The following SLC19A1 variants were observed in gnomAD, a reference collection of about 807,000 sequenced individuals.
The protein encoded by SLC19A1 is solute carrier family 19 member 1, also known as reduced folate transporter.
Under a neutral mutation model 35.3 loss-of-function variants are expected in SLC19A1, and 37 were observed. That is an observed-to-expected ratio of 1.05 (90% CI 0.81 to 1.38). SLC19A1 has a LOEUF of 1.38. Ranked by LOEUF, SLC19A1 falls within the 40% of genes most tolerant of loss-of-function variation. The pLI is 0.00. For missense variants in SLC19A1, 831 were observed against 826.9 expected, an observed-to-expected ratio of 1.00 and a Z score of -0.06; for synonymous variants, 460 against 398.5, an observed-to-expected ratio of 1.15 and a Z score of -1.84.
At chr21:45,519,459 C>T (rs901047436) in intron 5 of SLC19A1, among the ~76,000 whole-genome samples, 1 of 150,200 alleles carries the variant, frequency 6.7e-6, no homozygotes, top group Non-Finnish European at 1.5e-5. Context: ...TTCAAATATA[C>T]CAAGATAGGA....
At chr21:45,546,598 A>C (rs1375348872), upstream of SLC19A1, among the ~76,000 whole-genome samples, 1 of 152,264 alleles carries the variant, frequency 6.6e-6, no homozygotes, top group Non-Finnish European at 1.5e-5. Flanking sequence ...GCCCATCTTT[A>C]CTAGGGAAAG....
At chr21:45,552,062 C>T (rs534367793) in intron 1 of SLC19A1, among the ~76,000 whole-genome samples, 1 of 152,296 alleles carries the variant, frequency 6.6e-6, no homozygotes, top group Non-Finnish European at 1.5e-5. Flanking sequence ...TGCTTTTCTA[C>T]AAAAGGTGTC....
intron 5 of SLC19A1, among the ~76,000 whole-genome samples, chr21:45,519,297 G>C (rs1479681759): frequency 6.6e-6 from 1 of 151,992 alleles, no homozygotes; most frequent in Non-Finnish European, 1.5e-5. Context: ...GAGAATAAAT[G>C]AAAAATTAAA....
At chr21:45,544,691 C>G (rs932193401), upstream of SLC19A1, among the ~76,000 whole-genome samples, 1 of 151,490 alleles carries the variant, frequency 6.6e-6, no homozygotes, top group Non-Finnish European at 1.5e-5. Context: ...GCCCTCCAGC[C>G]TGTAGGCTCC....
At position 45,530,356 on chromosome 21, in the gene SLC19A1, T is replaced by TC. The variant is rs2077827261; in HGVS notation, c.1151+413dup. 7.4e-6 allele frequency among the ~76,000 whole-genome samples: 1 copy of TC among 134,304 alleles called. No homozygotes were observed. The highest frequency in any genetic ancestry group is 1.6e-5 in the Non-Finnish European group (1 of 60,798). The allele number at this position is 134,304 out of a possible 152,430, so 88.1% of individuals were successfully genotyped here. On this transcript the variant is annotated intron_variant, in intron 4 of 5. Coordinates refer to ENST00000311124, the MANE Select transcript of SLC19A1 (RefSeq NM_194255.4). The surrounding 1 kb of genome is among the most constrained non-coding windows in gnomAD (Gnocchi z 5.3). ...GTCCATCTGTGCGCATGTGGTGTGT[T>TC]CATGAGTGTGTGTGTGTCCATGTGT...
intron 4 of SLC19A1, among the ~76,000 whole-genome samples, chr21:45,526,863 C>T (rs1297056725): frequency 6.6e-6 from 1 of 152,228 alleles, no homozygotes; most frequent in Non-Finnish European, 1.5e-5. Context: ...TGAGCCACTG[C>T]GCCCAGCTGA....
chr21:45,544,205 T>G (rs532146682), upstream of SLC19A1: 1 of 152,424 alleles, frequency 6.6e-6, no homozygotes, highest in South Asian at 2.1e-4. Flanking sequence ...CAAGCTGCCC[T>G]CGGGTCCCCC....
At chr21:45,542,830 G>A (rs935539837), upstream of SLC19A1, among the ~76,000 whole-genome samples, 21 of 148,638 alleles carry the variant, frequency 1.4e-4, no homozygotes, top group Non-Finnish European at 2.7e-4. Context: ...TCCTCGACGA[G>A]GCCTTGTGCG....
upstream of SLC19A1, among the ~76,000 whole-genome samples, chr21:45,542,705 C>T (rs1407876248): frequency 6.6e-6 from 1 of 150,928 alleles, no homozygotes; most frequent in Non-Finnish European, 1.5e-5. Flanking sequence ...CCCCCACCCC[C>T]GCCGGCGTCA....
intron 1 of SLC19A1, among the ~76,000 whole-genome samples, chr21:45,550,348 G>A (rs1285172886): frequency 6.6e-6 from 1 of 152,156 alleles, no homozygotes; most frequent in Non-Finnish European, 1.5e-5. Flanking sequence ...AGACACCTCA[G>A]GCCCTCGTAT....
chr21:45,530,111 CATCT>C lies in SLC19A1; in HGVS notation c.1151+655_1151+658del, dbSNP rs1479540785. ...GTGTGGTGTGTCTGTGTGGTGTATC[CATCT>C]GTGAGCGTGTGGTGTGTTCATGTGA... On this transcript the variant is annotated intron_variant, in intron 4 of 5. Transcript: ENST00000311124. This position sits in a 1 kb window ranked among gnomAD's most constrained non-coding sequence, Gnocchi z 5.3. Among the ~76,000 whole-genome samples the C allele has an allele frequency of 6.8e-6, 1 of 147,208 alleles. No individual in the cohort carries two copies. Among genetic ancestry groups the C allele is most frequent in the African/African-American group, 2.5e-5 (1 of 39,372 alleles).
chr21:45,523,933 T>A (rs1459164641), intron 5 of SLC19A1, among the ~76,000 whole-genome samples: 1 of 152,146 alleles, frequency 6.6e-6, no homozygotes, highest in African/African-American at 2.4e-5. Flanking sequence ...CCTGGGGCCA[T>A]GCATTCAACA....
intron 3 of SLC19A1, chr21:45,506,161 G>C: frequency 1.3e-6 from 1 of 766,604 alleles, no homozygotes; most frequent in Non-Finnish European, 2.1e-6. Context: ...AGAAAAGTGA[G>C]CTCAAGCTTC....
intron 1 of SLC19A1, among the ~76,000 whole-genome samples, chr21:45,553,425 C>A (rs2078487355): frequency 1.3e-5 from 2 of 151,976 alleles, no homozygotes; most frequent in Admixed American, 1.3e-4. Flanking sequence ...CAGTGCCAGC[C>A]CTAGGCCTTG....
chr21:45,520,837 A>G (rs919169604), intron 5 of SLC19A1, among the ~76,000 whole-genome samples: 2 of 152,126 alleles, frequency 1.3e-5, no homozygotes, highest in African/African-American at 4.8e-5. Flanking sequence ...CCTGGCCAAC[A>G]TGGAGAAACC....
At chr21:45,523,585 A>G (rs1042299070) in intron 5 of SLC19A1, among the ~76,000 whole-genome samples, 6 of 152,212 alleles carry the variant, frequency 3.9e-5, no homozygotes, top group African/African-American at 1.4e-4. Context: ...GGGCAGCTAC[A>G]GGGGAGCACA....
chr21:45,511,937 A>C (rs947108432), downstream of SLC19A1, among the ~76,000 whole-genome samples: 1 of 152,226 alleles, frequency 6.6e-6, no homozygotes, highest in South Asian at 2.1e-4. Context: ...AGCCAGGCCA[A>C]GCCCTGGCCC....
upstream of SLC19A1, among the ~76,000 whole-genome samples, chr21:45,546,016 C>T (rs932747110): frequency 2.0e-4 from 30 of 152,226 alleles, no homozygotes; most frequent in African/African-American, 7.2e-4. Flanking sequence ...GACCTCCTAA[C>T]ACTCCCAGCG....
chr21:45,510,049 C>A, downstream of SLC19A1: 4 of 1,547,444 alleles, frequency 2.6e-6, no homozygotes, highest in Non-Finnish European at 2.6e-6. Context: ...CCGTGACGCG[C>A]CCCTCTCCCC....
Sources: allele counts gnomAD v4.1 joint callset (sites outside exome capture counted in the v4.1 genomes callset), GRCh38; gene constraint gnomAD v4.1.1; non-coding constraint Gnocchi (gnomAD v3.1); transcripts MANE v1.5; gene names NCBI Gene and HGNC (gene_info 2026-07-23, HGNC 2026-07-21).